Variants in SMYD2 observed in about 807,000 individuals in gnomAD.
SMYD2 encodes the protein SET and MYND domain containing 2, also known as N-lysine methyltransferase SMYD2.
In SMYD2, 53 loss-of-function variants were observed where a neutral mutation model predicts 59.1. The observed-to-expected ratio is 0.90, with a 90% CI of 0.72 to 1.13. SMYD2 has a LOEUF of 1.13. SMYD2 is among the 50% of genes most tolerant of loss of function. The probability of loss-of-function intolerance (pLI) is 0.00; values close to 1 mark genes in which losing one functional copy is unlikely to be tolerated. For synonymous variants in SMYD2, 208 were observed against 198.8 expected (o/e 1.05, Z -0.39); for missense variants, 494 against 544.7 (o/e 0.91, Z 0.93).
At chr1:214,291,395 C>T (rs932920999) in intron 1 of SMYD2, among the ~76,000 whole-genome samples, 1 of 152,120 alleles carries the variant, frequency 6.6e-6, no homozygotes, top group African/African-American at 2.4e-5. Flanking sequence ...CGAAGTTTGG[C>T]CCTTTGGCAT....
At chr1:214,331,951 T>G in intron 9 of SMYD2, 67 bp from the exon 10 acceptor site, 16 of 1,509,292 alleles carry the variant, frequency 1.1e-5, no homozygotes, top group Non-Finnish European at 1.4e-5. Context: ...AATAACTCCT[T>G]GAACCCAGCC....
chr1:214,333,872 A>T, intron 10 of SMYD2: 1 of 206,096 alleles, frequency 4.9e-6, no homozygotes, highest in Non-Finnish European at 1.0e-5. Context: ...CTGTTTTCCC[A>T]GGGTCTTCCT....
chr1:214,330,739 A>G (rs2102478915), intron 8 of SMYD2, among the ~76,000 whole-genome samples: 1 of 152,392 alleles, frequency 6.6e-6, no homozygotes, highest in East Asian at 1.9e-4. Context: ...AGGAGTATCT[A>G]GAAAATTAAT....
intron 2 of SMYD2, 53 bp downstream of exon 2, chr1:214,305,303 C>T: frequency 8.6e-6 from 13 of 1,513,540 alleles, no homozygotes; most frequent in Non-Finnish European, 1.1e-5. Context: ...AAGTCCTCCT[C>T]TTCCTTGTCA....
At chr1:214,284,876 A>G (rs1371519869) in intron 1 of SMYD2, among the ~76,000 whole-genome samples, 1 of 152,202 alleles carries the variant, frequency 6.6e-6, no homozygotes, top group African/African-American at 2.4e-5. Flanking sequence ...GCTTTAACCC[A>G]GTGTTCCATC....
chr1:214,335,611 C>A (rs549791743), intron 11 of SMYD2, among the ~76,000 whole-genome samples: 21 of 152,312 alleles, frequency 1.4e-4, no homozygotes, highest in African/African-American at 5.1e-4. Context: ...TGGCTGAATA[C>A]AAAAGAGCAA....
Position 214,289,259 on chromosome 1 carries a change from G to A in SMYD2, c.173+7832G>A, listed in dbSNP as rs547477850. 1.9e-3 allele frequency among the ~76,000 whole-genome samples: 283 copies of A among 152,274 alleles called. 1 individual carries two copies. Among genetic ancestry groups the A allele is most frequent in the African/African-American group, 6.4e-3 (266 of 41,552 alleles). ...TTGATATAGTGAGAGAATTGCAAAG[G>A]AAGTTTCTACTGTATTTGGGTGTTT... is the stretch of plus-strand genomic sequence containing the variant. On this transcript the variant is annotated intron_variant, in intron 1 of 11. Transcript: ENST00000366957.
Position 214,281,195 on chromosome 1 carries a change from A to C in SMYD2, c.-60A>C, listed in dbSNP as rs1270549098. On this transcript the variant is annotated 5_prime_UTR_variant, in exon 1 of 12. Coordinates refer to ENST00000366957, the MANE Select transcript of SMYD2 (RefSeq NM_020197.3). ...CGCAGCTCTAGGTGACGCGTCTCCA[A>C]TAACAGCTCGCCGGGAGCCGCAGCT... 36 of 1,194,178 alleles carry C rather than the reference A, an allele frequency of 3.0e-5. No homozygotes were observed. Among genetic ancestry groups the C allele is most frequent in the South Asian group, 2.1e-4 (5 of 23,930 alleles). The allele number at this position is 1,194,178 out of a possible 1,614,324, so 74.0% of individuals were successfully genotyped here.
chr1:214,327,590 T>A (rs951747870), intron 6 of SMYD2, 32 bp from the exon 7 acceptor site: 42 of 1,590,820 alleles, frequency 2.6e-5, no homozygotes, highest in Non-Finnish European at 3.5e-5. Flanking sequence ...CTATCTCATT[T>A]TAAAAACTGG....
At chr1:214,309,933 T>C (rs1656973666) in intron 2 of SMYD2, among the ~76,000 whole-genome samples, 1 of 152,220 alleles carries the variant, frequency 6.6e-6, no homozygotes, top group Admixed American at 6.5e-5. Flanking sequence ...ACACTTCTTC[T>C]CAAGGATCAT....
At chr1:214,310,161 T>G (rs902969122) in intron 2 of SMYD2, among the ~76,000 whole-genome samples, 1 of 152,228 alleles carries the variant, frequency 6.6e-6, no homozygotes, top group African/African-American at 2.4e-5. Flanking sequence ...ATAATCACTC[T>G]TTTCTTCCAG....
At chr1:214,322,394 G>A (rs1487588167) in intron 5 of SMYD2, among the ~76,000 whole-genome samples, 2 of 152,102 alleles carry the variant, frequency 1.3e-5, no homozygotes. Context: ...AATTGGTCAG[G>A]GTACTTAGAG....
rs561016170 is a variant in SMYD2, at chr1:214,334,131, T to C, written c.1113-69T>C. Reference sequence around the variant, plus strand: ...CTAAGCATGGCAGCCTCCGGCTTACTGCACCCAGCCTGTGGGGCGGCTCAG... The same window carrying C: ...CTAAGCATGGCAGCCTCCGGCTTACCGCACCCAGCCTGTGGGGCGGCTCAG... On this transcript the variant is annotated intron_variant, in intron 10 of 11. Transcript: ENST00000366957. The C allele has an allele frequency of 2.7e-5, 39 of 1,438,534 alleles. 1 individual carries two copies. The East Asian group carries it at 2.7e-4, about 10-fold the overall frequency. 89.1% of individuals were successfully genotyped at this position (1,438,534 alleles called of 1,614,324 possible).
Position 214,281,306 on chromosome 1 carries a change from G to T in SMYD2, c.52G>T (p.Gly18Cys). 7.2e-7 allele frequency: 1 copy of T among 1,393,682 alleles called. No homozygotes were observed. Among genetic ancestry groups the T allele is most frequent in the Non-Finnish European group, 9.4e-7 (1 of 1,063,890 alleles). The allele number at this position is 1,393,682 out of a possible 1,614,324, so 86.3% of individuals were successfully genotyped here. ...GLERFCSPGK[G>C]RGLRALQPFQ... is the part of the protein sequence containing the mutation. ...GGAGCGCTTCTGCAGCCCGGGCAAAGGCCGGGGGCTGCGGGCTCTGCAGCC... is the reference window on the plus strand; with the variant it reads ...GGAGCGCTTCTGCAGCCCGGGCAAATGCCGGGGGCTGCGGGCTCTGCAGCC... Residue 18 changes from glycine to cysteine, a missense_variant, in exon 1 of 12, where the codon GGC (glycine) becomes TGC (cysteine). By Grantham distance (159) the Gly-to-Cys change is radical (BLOSUM62 -3). Transcript: ENST00000366957.
chr1:214,294,621 AGATT>A (rs879841746), intron 1 of SMYD2, among the ~76,000 whole-genome samples: 10 of 152,318 alleles, frequency 6.6e-5, no homozygotes, highest in Admixed American at 3.3e-4. Context: ...TAGTGATCCA[AGATT>A]GTGCCACCGC....
At chr1:214,305,311 T>G in intron 2 of SMYD2, 61 bp downstream of exon 2, 2 of 1,474,068 alleles carry the variant, frequency 1.4e-6, no homozygotes, top group Non-Finnish European at 1.9e-6. Flanking sequence ...CTCTTCCTTG[T>G]CATGGCATTC....
intron 9 of SMYD2, chr1:214,331,613 A>G (rs563091166): frequency 5.4e-6 from 1 of 184,146 alleles, no homozygotes; most frequent in Non-Finnish European, 1.1e-5. Context: ...TTTGTACTCT[A>G]AAGGGTAGAA....
intron 9 of SMYD2, 95 bp downstream of exon 9, chr1:214,331,165 G>T (rs1657347081): frequency 1.3e-6 from 2 of 1,558,828 alleles, no homozygotes; most frequent in African/African-American, 1.4e-5. Flanking sequence ...ATGGATTTAA[G>T]ATTCTGAAAA....
intron 6 of SMYD2, among the ~76,000 whole-genome samples, chr1:214,325,046 C>T (rs1657239716): frequency 6.6e-6 from 1 of 152,208 alleles, no homozygotes; most frequent in Non-Finnish European, 1.5e-5. Context: ...ATTTCTTATG[C>T]TCAAAGTGAA....
Sources: allele counts gnomAD v4.1 joint callset (sites outside exome capture counted in the v4.1 genomes callset), GRCh38; gene constraint gnomAD v4.1.1; transcripts MANE v1.5; gene names NCBI Gene and HGNC (gene_info 2026-07-23, HGNC 2026-07-21).